Variants in DCDC1 observed in about 807,000 individuals in gnomAD.
The protein encoded by DCDC1 is doublecortin domain-containing protein 1.
Under a neutral mutation model 178.3 loss-of-function variants are expected in DCDC1, and 200 were observed. That is an observed-to-expected ratio of 1.12 (90% CI 1.00 to 1.26). The LOEUF (loss-of-function observed/expected upper bound fraction) is 1.26. Among genes scored for constraint, DCDC1 ranks in the 50% most tolerant of loss-of-function variants. DCDC1 has a pLI of 0.00. For missense variants in DCDC1, 1,983 were observed against 1,749.2 expected, an observed-to-expected ratio of 1.13 and a Z score of -2.38; for synonymous variants, 690 against 604.8, an observed-to-expected ratio of 1.14 and a Z score of -2.07.
At chr11:30,932,217 A>G (rs2134320374) in intron 21 of DCDC1, among the ~76,000 whole-genome samples, 1 of 152,274 alleles carries the variant, frequency 6.6e-6, no homozygotes, top group African/African-American at 2.4e-5. Context: ...CATTCTCGAA[A>G]AAATAGAACC....
intron 23 of DCDC1, 140 bp from the exon 24 acceptor site, chr11:30,922,778 C>T: frequency 1.3e-6 from 1 of 799,710 alleles, no homozygotes; most frequent in Non-Finnish European, 1.7e-6. Context: ...CTGTGTACCA[C>T]TCAGTACTTT....
intron 25 of DCDC1, among the ~76,000 whole-genome samples, chr11:30,917,783 ACT>A (rs1012415704): frequency 4.6e-5 from 7 of 152,194 alleles, no homozygotes; most frequent in African/African-American, 1.7e-4. Context: ...CTATTTCAGC[ACT>A]CTAAGTATGC....
At chr11:30,916,797 A>T (rs1945871651) in intron 26 of DCDC1, 73 bp downstream of exon 26, 3 of 1,434,540 alleles carry the variant, frequency 2.1e-6, no homozygotes, top group Non-Finnish European at 2.8e-6. Context: ...ACTCTTGGGA[A>T]TATATGTGTC....
intron 20 of DCDC1, among the ~76,000 whole-genome samples, chr11:30,981,000 C>A (rs567223996): frequency 6.6e-6 from 1 of 152,250 alleles, no homozygotes; most frequent in African/African-American, 2.4e-5. Context: ...ACCACGAATA[C>A]AACATAGCCA....
intron 9 of DCDC1, among the ~76,000 whole-genome samples, chr11:31,199,747 CACAT>C (rs1167021636): frequency 1.3e-5 from 2 of 152,016 alleles, no homozygotes; most frequent in African/African-American, 4.8e-5. Flanking sequence ...TATCAGAATT[CACAT>C]ACTTTGTGTC....
At chr11:31,238,741 T>C (rs963821509) in intron 9 of DCDC1, among the ~76,000 whole-genome samples, 3 of 152,162 alleles carry the variant, frequency 2.0e-5, no homozygotes, top group Admixed American at 6.6e-5. Flanking sequence ...TCTGCTTAGC[T>C]CCAAGCAATT....
intron 1 of DCDC1, among the ~76,000 whole-genome samples, chr11:31,339,645 G>C (rs192893973): frequency 1.7e-4 from 26 of 152,224 alleles, no homozygotes; most frequent in African/African-American, 5.5e-4. Context: ...CAGTGTCTAG[G>C]ACATAGTAGG....
intron 20 of DCDC1, among the ~76,000 whole-genome samples, chr11:31,032,015 A>G (rs1953683910): frequency 1.3e-5 from 2 of 152,190 alleles, no homozygotes; most frequent in African/African-American, 4.8e-5. Context: ...ACCTCTGCAT[A>G]TAAACTCAGT....
At chr11:31,123,463 A>C (rs1961105611) in intron 11 of DCDC1, among the ~76,000 whole-genome samples, 1 of 152,054 alleles carries the variant, frequency 6.6e-6, no homozygotes, top group African/African-American at 2.4e-5. Flanking sequence ...AAACTTAATC[A>C]GTGCCTCCAA....
At chr11:31,147,822 G>A (rs1427416190) in intron 9 of DCDC1, among the ~76,000 whole-genome samples, 1 of 152,226 alleles carries the variant, frequency 6.6e-6, no homozygotes, top group Non-Finnish European at 1.5e-5. Context: ...GAAAGAGTCT[G>A]TAGAGAGTGG....
At chr11:31,213,912 A>G (rs925339813) in intron 9 of DCDC1, among the ~76,000 whole-genome samples, 12 of 152,090 alleles carry the variant, frequency 7.9e-5, no homozygotes, top group Non-Finnish European at 1.6e-4. Flanking sequence ...GTACACATGT[A>G]CATGTATCTA....
intron 20 of DCDC1, among the ~76,000 whole-genome samples, chr11:30,976,731 T>C (rs908623646): frequency 2.0e-5 from 3 of 152,114 alleles, no homozygotes; most frequent in Non-Finnish European, 4.4e-5. Context: ...ACACTGTTGG[T>C]GGGAATGTAA....
At chr11:30,998,092 G>T (rs1258839890) in intron 20 of DCDC1, among the ~76,000 whole-genome samples, 1 of 151,960 alleles carries the variant, frequency 6.6e-6, no homozygotes, top group African/African-American at 2.4e-5. Context: ...CCAGGAGGTC[G>T]AGACCAGTCT....
At position 30,931,858 on chromosome 11, in the gene DCDC1, C is replaced by T. The variant is rs554444976; in HGVS notation, c.2810G>A (p.Arg937Gln). Residue 937 changes from arginine (R) to glutamine (Q), a missense_variant, in exon 22 of 39, where the codon CGA becomes CAA. Coordinates refer to ENST00000684477, the MANE Select transcript of DCDC1 (RefSeq NM_001387274.1). ...CKTTEPYAPV[R>Q]LRVLQNGEKN... ...CTCTCCATTCTGCAAAACTCTGAGTCGCACAGGGGCATATGGCTCTGTTGT... is the reference window on the plus strand; with the variant it reads ...CTCTCCATTCTGCAAAACTCTGAGTTGCACAGGGGCATATGGCTCTGTTGT... The T allele has an allele frequency of 1.1e-5, 17 of 1,613,064 alleles. No homozygotes were observed. The highest frequency in any genetic ancestry group is 6.7e-5 in the Admixed American group (4 of 59,896).
intron 11 of DCDC1, among the ~76,000 whole-genome samples, chr11:31,124,096 C>A (rs1246508934): frequency 6.6e-6 from 1 of 151,964 alleles, no homozygotes; most frequent in Non-Finnish European, 1.5e-5. Flanking sequence ...TTGTCTTGTA[C>A]CAGTTTTCAA....
At chr11:30,945,467 G>A (rs905730372) in intron 21 of DCDC1, among the ~76,000 whole-genome samples, 32 of 151,944 alleles carry the variant, frequency 2.1e-4, no homozygotes, top group African/African-American at 7.5e-4. Flanking sequence ...GCCGAGGTGG[G>A]TGGATCACTT....
chr11:31,095,776 T>A (rs928962007), intron 15 of DCDC1, among the ~76,000 whole-genome samples: 6 of 152,318 alleles, frequency 3.9e-5, no homozygotes, highest in African/African-American at 7.2e-5. Context: ...GGCACTCACA[T>A]CACTTGTAGG....
intron 1 of DCDC1, among the ~76,000 whole-genome samples, chr11:31,355,720 A>G (rs969973484): frequency 1.3e-5 from 2 of 151,884 alleles, no homozygotes; most frequent in Non-Finnish European, 2.9e-5. Flanking sequence ...GGCACCCACC[A>G]CCACGCCCGG....
chr11:31,341,561 T>G (rs946743572), intron 1 of DCDC1, among the ~76,000 whole-genome samples: 1 of 152,154 alleles, frequency 6.6e-6, no homozygotes, highest in Non-Finnish European at 1.5e-5. Flanking sequence ...CTAGCCTCTA[T>G]AGTATAGCTG....
Sources: allele counts gnomAD v4.1 joint callset (sites outside exome capture counted in the v4.1 genomes callset), GRCh38; gene constraint gnomAD v4.1.1; transcripts MANE v1.5; gene names NCBI Gene and HGNC (gene_info 2026-07-23, HGNC 2026-07-21).